MIPEP: variants seen among roughly 807,000 people sequenced by gnomAD.
MIPEP encodes mitochondrial intermediate peptidase.
A neutral mutation model predicts 90.3 loss-of-function variants in MIPEP; 79 were observed. The ratio of observed to expected loss-of-function variants is 0.87; its 90% CI spans 0.73 to 1.05. MIPEP has a LOEUF of 1.05. Among genes scored for constraint, MIPEP ranks in the 50% least tolerant of loss-of-function variants. MIPEP has a pLI of 0.00. For synonymous variants in MIPEP, 334 were observed against 315.8 expected (o/e 1.06, Z -0.61); for missense variants, 940 against 905.6 (o/e 1.04, Z -0.49).
At chr13:23,752,779 C>T (rs1259002022) in intron 18 of MIPEP, among the ~76,000 whole-genome samples, 1 of 152,088 alleles carries the variant, frequency 6.6e-6, no homozygotes, top group East Asian at 1.9e-4. Context: ...GATTAAGTGA[C>T]TGAATGTCAT....
intron 5 of MIPEP, among the ~76,000 whole-genome samples, chr13:23,873,619 C>T (rs1870927429): frequency 2.0e-5 from 3 of 152,090 alleles, no homozygotes; most frequent in African/African-American, 7.2e-5. Context: ...TTTAGAACAG[C>T]CCGGGTGTTT....
chr13:23,753,482 C>T (rs145358282), intron 18 of MIPEP, among the ~76,000 whole-genome samples: 1 of 152,172 alleles, frequency 6.6e-6, no homozygotes, highest in African/African-American at 2.4e-5. Flanking sequence ...TTTAAGAAAG[C>T]CCCTGCTGCT....
At chr13:23,838,304 C>A (rs1869144684) in intron 12 of MIPEP, among the ~76,000 whole-genome samples, 1 of 152,122 alleles carries the variant, frequency 6.6e-6, no homozygotes, top group Admixed American at 6.5e-5. Context: ...CCACCACACC[C>A]AGCTAAATTT....
At chr13:23,843,983 G>T (rs1869422515) in intron 10 of MIPEP, among the ~76,000 whole-genome samples, 1 of 152,132 alleles carries the variant, frequency 6.6e-6, no homozygotes, top group Non-Finnish European at 1.5e-5. Flanking sequence ...GGAGAAGAGA[G>T]GAGGGTGAGG....
Position 23,860,622 on chromosome 13 carries a change from G to C in MIPEP, c.1053+1680C>G, listed in dbSNP as rs117434363. Among the ~76,000 whole-genome samples the C allele has an allele frequency of 6.5e-3, 993 of 152,228 alleles. 7 individuals are homozygous for C. Among genetic ancestry groups the C allele is most frequent in the Non-Finnish European group, 0.011 (756 of 68,016 alleles). On this transcript the variant is annotated intron_variant, in intron 9 of 18. Coordinates refer to ENST00000382172, the MANE Select transcript of MIPEP (RefSeq NM_005932.4). ...CTACTGAATAATTTTAAACAACAGA[G>C]TGACAAGATCAGATCTGCTTTTTAG...
chr13:23,883,167 G>A (rs541478201), intron 2 of MIPEP, among the ~76,000 whole-genome samples: 1 of 151,834 alleles, frequency 6.6e-6, no homozygotes, highest in African/African-American at 2.4e-5. Context: ...TCAGAACAGA[G>A]AAAGGTTCTT....
intron 16 of MIPEP, among the ~76,000 whole-genome samples, chr13:23,802,786 T>C (rs369770625): frequency 1.3e-5 from 2 of 152,296 alleles, no homozygotes. Flanking sequence ...AACCATTTTG[T>C]TTTTCACTTT....
chr13:23,753,083 C>G (rs1199892874), intron 18 of MIPEP, among the ~76,000 whole-genome samples: 1 of 151,994 alleles, frequency 6.6e-6, no homozygotes. Context: ...CAAAAATTAG[C>G]TGGGCATGGT....
chr13:23,884,655 T>G (rs1219805252), intron 2 of MIPEP, among the ~76,000 whole-genome samples: 1 of 152,196 alleles, frequency 6.6e-6, no homozygotes, highest in Non-Finnish European at 1.5e-5. Flanking sequence ...AGGGAAAGCT[T>G]CTTCAGCTAA....
chr13:23,867,540 T>C (rs1029381075), intron 7 of MIPEP, among the ~76,000 whole-genome samples: 1 of 152,222 alleles, frequency 6.6e-6, no homozygotes, highest in Admixed American at 6.5e-5. Context: ...ATACTTTATC[T>C]ACTTATTTCG....
At chr13:23,852,360 G>C (rs1403582632) in intron 10 of MIPEP, among the ~76,000 whole-genome samples, 3 of 152,206 alleles carry the variant, frequency 2.0e-5, no homozygotes, top group Non-Finnish European at 2.9e-5. Flanking sequence ...CTTTTCAAAA[G>C]TACATAATAA....
intron 16 of MIPEP, among the ~76,000 whole-genome samples, chr13:23,787,301 T>C (rs781699249): frequency 2.5e-4 from 38 of 152,270 alleles, no homozygotes; most frequent in South Asian, 1.5e-3. Context: ...GCAGATCCAG[T>C]GTCTGATGAC....
chr13:23,750,932 T>C (rs1447541811), intron 18 of MIPEP, among the ~76,000 whole-genome samples: 2 of 152,150 alleles, frequency 1.3e-5, no homozygotes, highest in Admixed American at 1.3e-4. Context: ...ACTGTGTGTG[T>C]TTCTGGGCAC....
At chr13:23,791,664 C>T (rs1952899176) in intron 16 of MIPEP, among the ~76,000 whole-genome samples, 1 of 152,126 alleles carries the variant, frequency 6.6e-6, no homozygotes, top group African/African-American at 2.4e-5. Context: ...CATTCACTTA[C>T]ACATATTATT....
At chr13:23,805,150 T>A (rs1000637979) in intron 16 of MIPEP, among the ~76,000 whole-genome samples, 5 of 152,224 alleles carry the variant, frequency 3.3e-5, no homozygotes, top group African/African-American at 1.2e-4. Flanking sequence ...TGAACCACGT[T>A]TCTATCACTT....
chr13:23,751,202 T>G (rs976180527), intron 18 of MIPEP, among the ~76,000 whole-genome samples: 2 of 152,186 alleles, frequency 1.3e-5, no homozygotes, highest in African/African-American at 2.4e-5. Context: ...AAACCATAAT[T>G]CTCTGGTTTG....
At chr13:23,830,333 C>T (rs1868680676) in intron 14 of MIPEP, among the ~76,000 whole-genome samples, 1 of 152,042 alleles carries the variant, frequency 6.6e-6, no homozygotes, top group Admixed American at 6.6e-5. Flanking sequence ...CAGTAAAATA[C>T]CATTTTTGTA....
chr13:23,811,853 C>A (rs999473859), intron 14 of MIPEP, among the ~76,000 whole-genome samples: 1 of 152,184 alleles, frequency 6.6e-6, no homozygotes, highest in Non-Finnish European at 1.5e-5. Flanking sequence ...AGGCCCCTGC[C>A]TGACAAAGTA....
intron 1 of MIPEP, chr13:23,888,811 T>C (rs765119627): frequency 1.8e-5 from 18 of 998,768 alleles, no homozygotes; most frequent in Non-Finnish European, 2.2e-5. Context: ...TGCGCCTGAG[T>C]GTATGCAGAG....
Sources: gnomAD v4.1 joint callset for allele counts (sites outside exome capture counted in the v4.1 genomes callset) on GRCh38, gnomAD v4.1.1 for gene constraint, MANE v1.5 for transcripts, NCBI Gene and HGNC (gene_info 2026-07-23, HGNC 2026-07-21) for gene names.